Variants in TEAD3 observed in about 807,000 individuals in gnomAD.
TEAD3 encodes the protein TEA domain transcription factor 3.
Under a neutral mutation model 55.6 loss-of-function variants are expected in TEAD3, and 15 were observed. The observed-to-expected ratio is 0.27, with a 90% CI of 0.18 to 0.42. The LOEUF (loss-of-function observed/expected upper bound fraction) is 0.42. Among genes scored for constraint, TEAD3 ranks in the 10% least tolerant of loss-of-function variants. The probability of loss-of-function intolerance (pLI) is 1.00; values close to 1 mark genes in which losing one functional copy is unlikely to be tolerated. For missense variants in TEAD3, 407 were observed against 576.8 expected (o/e 0.71, Z 3.01); for synonymous variants, 210 against 232.2 (o/e 0.90, Z 0.87).
rs770565224 is a variant in TEAD3, at chr6:35,477,385, G to A, written c.531-13C>T. The A allele has an allele frequency of 6.3e-7, 1 of 1,598,916 alleles. No individual in the cohort carries two copies. The highest frequency in any genetic ancestry group is 1.1e-5 in the South Asian group (1 of 90,604). ...AAAGGGCTTGATGCTGCAGACAGGAGCACAGCCTGGTGAGAGGGTTCCCTC... is the reference window on the plus strand; with the variant it reads ...AAAGGGCTTGATGCTGCAGACAGGAACACAGCCTGGTGAGAGGGTTCCCTC... On this transcript the variant is annotated splice_polypyrimidine_tract_variant and intron_variant, in intron 7 of 12. Transcript: ENST00000639578.
chr6:35,495,616 G>A (rs537156542), intron 1 of TEAD3, among the ~76,000 whole-genome samples: 2 of 152,262 alleles, frequency 1.3e-5, no homozygotes, highest in East Asian at 1.9e-4. Context: ...GTGCCCCTAC[G>A]AGAGGGGTCT....
chr6:35,490,412 G>GGCTCCTAGACGCAT (rs1055959869), intron 1 of TEAD3, among the ~76,000 whole-genome samples: 1 of 152,216 alleles, frequency 6.6e-6, no homozygotes, highest in African/African-American at 2.4e-5. Flanking sequence ...CCCTTCGGCT[G>GGCTCCTAGACGCAT]GCTCCTAGAC....
chr6:35,495,051 C>A (rs1768611536), intron 1 of TEAD3, among the ~76,000 whole-genome samples: 1 of 152,126 alleles, frequency 6.6e-6, no homozygotes, highest in African/African-American at 2.4e-5. Context: ...CTGGGAGGAG[C>A]TCAGAGAAAA....
chr6:35,480,077 T>C lies in TEAD3; in HGVS notation c.313A>G (p.Ile105Val), dbSNP rs899281508. 2.8e-5 allele frequency: 43 copies of C among 1,530,154 alleles called. 1 individual carries two copies. The South Asian group carries it at 4.9e-4, about 18-fold the overall frequency. 94.8% of individuals were successfully genotyped at this position (1,530,154 alleles called of 1,614,324 possible). The change falls in exon 4 of 13, where the codon ATT becomes GTT. Residue 105 changes from isoleucine (I) to valine (V), a missense_variant. By Grantham distance (29) the Ile-to-Val change is conservative. Transcript: ENST00000639578. ...CCCCGTACCTTCAGCTTAGACTGAA[T>C]CTCCCGAGATTTCCGCCTGGCTAGA...
At chr6:35,480,122 C>T in exon 4 of TEAD3, 2 of 1,545,668 alleles carry the variant, frequency 1.3e-6, no homozygotes, top group Non-Finnish European at 1.7e-6. Flanking sequence ...TGGCTAGAGA[C>T]CTGTAGAGAG....
intron 3 of TEAD3, 75 bp from the exon 4 acceptor site, chr6:35,480,449 G>T: frequency 6.6e-7 from 1 of 1,513,154 alleles, no homozygotes. Flanking sequence ...GTGGCCGCGG[G>T]CAAGGAGCAT....
rs111444760 is a variant in TEAD3 at position 35,496,009 on chromosome 6, A to G, written c.-50+889T>C. 2.0e-5 allele frequency among the ~76,000 whole-genome samples: 3 copies of G among 152,334 alleles called. No homozygotes were observed. The highest frequency in any genetic ancestry group is 7.2e-5 in the African/African-American group (3 of 41,588). ...AGGGCCCCTCACCAGGAAAGTTGAC[A>G]GAGCGGGGTCTCAATGACACTGCCC... On this transcript the variant is annotated intron_variant, in intron 1 of 12. Coordinates refer to ENST00000639578, the Ensembl canonical transcript of TEAD3. This position sits in a 1 kb window ranked among gnomAD's most constrained non-coding sequence, Gnocchi z 4.8.
chr6:35,486,620 C>A lies in TEAD3; in HGVS notation c.43G>T (p.Ala15Ser). The change falls in exon 2 of 13, where the codon GCC becomes TCC. Residue 15 changes from alanine (A) to serine (S), a missense_variant. Ala to Ser is a moderately conservative substitution (Grantham distance 99). Transcript: ENST00000639578. This position sits in a 1 kb window ranked among gnomAD's most constrained non-coding sequence, Gnocchi z 7.3. ...AGGCCCTCGGGCCCATCCTCCCGGG[C>A]CTCCCCGGGGCTGCTGCTGGCGTTC... The A allele has an allele frequency of 6.2e-7, 1 of 1,613,208 alleles. No individual in the cohort carries two copies. The highest frequency in any genetic ancestry group is 8.5e-7 in the Non-Finnish European group (1 of 1,179,782).
chr6:35,476,972 G>A (rs1471023269), intron 8 of TEAD3, among the ~76,000 whole-genome samples: 8 of 152,128 alleles, frequency 5.3e-5, no homozygotes, highest in Admixed American at 1.3e-4. Flanking sequence ...ATAGCCATGC[G>A]CCACCACGCC....
rs1768339080 is a variant in TEAD3, at chr6:35,484,764, T to G, written c.203-140A>C. 1 of 772,206 alleles carries G rather than the reference T, an allele frequency of 1.3e-6. No homozygotes were observed. Among genetic ancestry groups the G allele is most frequent in the Non-Finnish European group, 2.2e-6 (1 of 462,262 alleles). 47.8% of individuals were successfully genotyped at this position (772,206 alleles called of 1,614,324 possible). ...GTTCCTCACTCTCTTCACCCCAAGC[T>G]GCACATGCAGGGCATGCAAAGGTGG... is the stretch of plus-strand genomic sequence containing the variant. On this transcript the variant is annotated intron_variant, in intron 2 of 12. Transcript: ENST00000639578. The surrounding 1 kb of genome is among the most constrained non-coding windows in gnomAD (Gnocchi z 5.8).
intron 1 of TEAD3, among the ~76,000 whole-genome samples, chr6:35,492,866 C>T (rs1045558818): frequency 6.6e-6 from 1 of 152,132 alleles, no homozygotes; most frequent in African/African-American, 2.4e-5. Flanking sequence ...CCTCCCTTCA[C>T]CCCCTCCCTG....
intron 1 of TEAD3, among the ~76,000 whole-genome samples, chr6:35,494,834 C>A (rs1429846906): frequency 6.6e-6 from 1 of 151,166 alleles, no homozygotes; most frequent in African/African-American, 2.4e-5. Context: ...GAGGCAAGAT[C>A]CCCCAATCCA....
Position 35,475,580 on chromosome 6 carries a change from C to T in TEAD3, c.1027G>A (p.Val343Ile), listed in dbSNP as rs1768127160. The T allele has an allele frequency of 3.1e-6, 5 of 1,611,182 alleles. No individual in the cohort carries two copies. The highest frequency in any genetic ancestry group is 1.3e-5 in the African/African-American group (1 of 75,008). ...CCCCCACTCACCTCCACCTTCTCTA[C>T]CACCTGTTTGCCAAAGGAGCACACC... Residue 343 changes from valine (V) to isoleucine (I), a missense_variant, in exon 11 of 13, where the codon GTA (valine) becomes ATA (isoleucine). By Grantham distance (29) the Val-to-Ile change is conservative (BLOSUM62 3). Coordinates refer to ENST00000639578, the Ensembl canonical transcript of TEAD3. The surrounding 1 kb of genome is among the most constrained non-coding windows in gnomAD (Gnocchi z 5.4).
chr6:35,479,767 G>A lies in TEAD3; in HGVS notation c.330+293C>T, dbSNP rs188497749. The stretch of plus-strand genomic sequence containing the variant: ...AATAGCCCTGCCGGCCAGTAGCCCC[G>A]GGGCCTCCTCCCTGCCCACGGAAGT... On this transcript the variant is annotated intron_variant, in intron 4 of 12. Coordinates refer to ENST00000639578, the Ensembl canonical transcript of TEAD3. Among the ~76,000 whole-genome samples the A allele has an allele frequency of 1.0e-3, 156 of 152,338 alleles. No individual in the cohort carries two copies. The South Asian group carries it at 0.011, about 11-fold the overall frequency.
Position 35,486,182 on chromosome 6 carries a change from T to G in TEAD3, c.202+279A>C, listed in dbSNP as rs1254610369. On this transcript the variant is annotated intron_variant, in intron 2 of 12. Coordinates refer to ENST00000639578, the Ensembl canonical transcript of TEAD3. This position sits in a 1 kb window ranked among gnomAD's most constrained non-coding sequence, Gnocchi z 7.3. ...CCGGCGCAGACTGGGCTGACCCACT[T>G]TCTTGGGCCCACTGAGTCACCTCGA... Among the ~76,000 whole-genome samples the G allele has an allele frequency of 6.6e-6, 1 of 152,184 alleles. No homozygotes were observed.
intron 1 of TEAD3, among the ~76,000 whole-genome samples, chr6:35,487,314 G>A (rs149545039): frequency 7.0e-4 from 106 of 152,270 alleles, no homozygotes; most frequent in African/African-American, 2.4e-3. Context: ...ATCACTTTGG[G>A]AGGCCGAGGT....
At position 35,478,579 on chromosome 6, in the gene TEAD3, G is replaced by A; in HGVS notation, c.343-8C>T. On this transcript the variant is annotated splice_polypyrimidine_tract_variant and splice_region_variant and intron_variant, in intron 5 of 12. Transcript: ENST00000639578. ...GTCCTTGGAGACCTGGTCCTGGGGA[G>A]AGGAGGCTGCATGAAGCCAGGGCCA... The A allele has an allele frequency of 6.3e-7, 1 of 1,579,314 alleles. No individual in the cohort carries two copies. The highest frequency in any genetic ancestry group is 2.3e-5 in the East Asian group (1 of 42,754).
chr6:35,475,854 G>A lies in TEAD3; in HGVS notation c.900+65C>T. On this transcript the variant is annotated intron_variant, in intron 10 of 12. Coordinates refer to ENST00000639578, the Ensembl canonical transcript of TEAD3. The surrounding 1 kb of genome is among the most constrained non-coding windows in gnomAD (Gnocchi z 5.4). ...GCAGGGTCAGAGGTCAATGCAGTGG[G>A]CCTGGATGTTGCACCTCTGGGGTGG... 6.7e-7 allele frequency: 1 copy of A among 1,499,576 alleles called. No individual in the cohort carries two copies. Among genetic ancestry groups the A allele is most frequent in the Non-Finnish European group, 8.9e-7 (1 of 1,122,636 alleles). The allele number at this position is 1,499,576 out of a possible 1,614,324, so 92.9% of individuals were successfully genotyped here.
Position 35,475,966 on chromosome 6 carries a change from G to C in TEAD3, c.853C>G (p.Leu285Val). The C allele has an allele frequency of 6.4e-7, 1 of 1,558,232 alleles. No homozygotes were observed. The highest frequency in any genetic ancestry group is 8.7e-7 in the Non-Finnish European group (1 of 1,153,772). ...GCATTAGGGGGCCCCTTCTCATAGA[G>C]CTCCTTCAATCCTCCCTTTTTCTCG... Residue 285 changes from leucine to valine, a missense_variant, in exon 10 of 13, where the codon CTC becomes GTC. By Grantham distance (32) the Leu-to-Val change is conservative (BLOSUM62 1). Transcript: ENST00000639578. This position sits in a 1 kb window ranked among gnomAD's most constrained non-coding sequence, Gnocchi z 5.4.
Sources: gnomAD v4.1 joint callset for allele counts (sites outside exome capture counted in the v4.1 genomes callset) on GRCh38, gnomAD v4.1.1 for gene constraint, Gnocchi (gnomAD v3.1) non-coding constraint, MANE v1.5 for transcripts, NCBI Gene and HGNC (gene_info 2026-07-23, HGNC 2026-07-21) for gene names.